The following ASIC2 variants were observed in gnomAD, a reference collection of about 807,000 sequenced individuals.
ASIC2 encodes acid-sensing ion channel 2.
ASIC2 carries 25 observed loss-of-function variants against 57.3 expected under a neutral mutation model. The ratio of observed to expected loss-of-function variants is 0.44; its 90% CI spans 0.32 to 0.61. ASIC2 has a LOEUF of 0.61. ASIC2 is among the 20% of genes least tolerant of loss of function. The probability of loss-of-function intolerance (pLI) is 0.06; values close to 1 mark genes in which losing one functional copy is unlikely to be tolerated. For missense variants in ASIC2, 641 were observed against 738.1 expected, an observed-to-expected ratio of 0.87 and a Z score of 1.52; for synonymous variants, 319 against 307.5, an observed-to-expected ratio of 1.04 and a Z score of -0.39.
At chr17:33,438,108 AT>A (rs924450214) in intron 1 of ASIC2, among the ~76,000 whole-genome samples, 2 of 152,262 alleles carry the variant, frequency 1.3e-5, no homozygotes, top group African/African-American at 2.4e-5. Flanking sequence ...TATATTTATG[AT>A]GGGGGCTCCA....
At chr17:33,106,228 G>C (rs147216276) in intron 2 of ASIC2, among the ~76,000 whole-genome samples, 66 of 152,280 alleles carry the variant, frequency 4.3e-4, no homozygotes, top group Non-Finnish European at 4.9e-4. Context: ...GGCAATAGGA[G>C]CTGAGGAAGC....
intron 1 of ASIC2, among the ~76,000 whole-genome samples, chr17:33,469,613 C>A (rs1912976450): frequency 6.6e-6 from 1 of 152,274 alleles, no homozygotes; most frequent in East Asian, 1.9e-4. Flanking sequence ...AGAGTCTCAG[C>A]TGTGGACTCG....
At chr17:33,862,173 G>A (rs899524787) in intron 1 of ASIC2, among the ~76,000 whole-genome samples, 7 of 152,134 alleles carry the variant, frequency 4.6e-5, no homozygotes, top group South Asian at 2.1e-4. Context: ...CAGCCTCTTC[G>A]GTAGCTGAGT....
intron 1 of ASIC2, among the ~76,000 whole-genome samples, chr17:33,558,490 A>G (rs1383971175): frequency 3.9e-5 from 6 of 152,198 alleles, no homozygotes; most frequent in Non-Finnish European, 8.8e-5. Flanking sequence ...CTCTAACTTC[A>G]TAGTACTAAA....
chr17:33,674,048 C>A (rs1907729046), intron 1 of ASIC2, among the ~76,000 whole-genome samples: 1 of 152,140 alleles, frequency 6.6e-6, no homozygotes, highest in Admixed American at 6.5e-5. Context: ...CACATGCCAC[C>A]AAGCCCAGCT....
At chr17:33,929,385 T>C (rs1915885582) in intron 1 of ASIC2, among the ~76,000 whole-genome samples, 1 of 152,236 alleles carries the variant, frequency 6.6e-6, no homozygotes, top group Non-Finnish European at 1.5e-5. Context: ...CTGCGGAGCC[T>C]GGGCTCATTT....
intron 1 of ASIC2, among the ~76,000 whole-genome samples, chr17:33,343,119 G>A (rs1907795241): frequency 6.6e-6 from 1 of 152,336 alleles, no homozygotes; most frequent in Admixed American, 6.5e-5. Flanking sequence ...GCAGGAGAGA[G>A]GCAAAGCAGA....
chr17:33,216,891 T>G (rs1287026573), intron 1 of ASIC2, among the ~76,000 whole-genome samples: 1 of 152,002 alleles, frequency 6.6e-6, no homozygotes, highest in African/African-American at 2.4e-5. Context: ...GGGGGTTGTT[T>G]GAATAATTGA....
At chr17:33,993,565 ACT>A (rs1465850317) in intron 1 of ASIC2, among the ~76,000 whole-genome samples, 4 of 152,138 alleles carry the variant, frequency 2.6e-5, no homozygotes, top group African/African-American at 9.7e-5. Flanking sequence ...GGAGAAACAG[ACT>A]CTGAGTTGAA....
At chr17:34,080,261 G>A (rs1909828680) in intron 1 of ASIC2, among the ~76,000 whole-genome samples, 1 of 152,192 alleles carries the variant, frequency 6.6e-6, no homozygotes, top group Non-Finnish European at 1.5e-5. Context: ...ACTCCAGGGA[G>A]CACCTTCATA....
At chr17:33,457,762 C>G in intron 1 of ASIC2, among the ~76,000 whole-genome samples, 1 of 152,136 alleles carries the variant, frequency 6.6e-6, no homozygotes, top group East Asian at 1.9e-4. Context: ...CATGCATTGT[C>G]TTATTTAATT....
intron 1 of ASIC2, among the ~76,000 whole-genome samples, chr17:34,102,945 T>G (rs1261416509): frequency 6.6e-6 from 1 of 152,230 alleles, no homozygotes; most frequent in Non-Finnish European, 1.5e-5. Context: ...CAACCATTGT[T>G]GTGAGCTGAT....
intron 1 of ASIC2, among the ~76,000 whole-genome samples, chr17:33,382,754 G>A (rs191586140): frequency 1.6e-3 from 243 of 152,314 alleles, no homozygotes; most frequent in African/African-American, 5.7e-3. Context: ...CAGGGACTGC[G>A]TCATCTTCAT....
At chr17:33,269,617 T>C (rs141023563) in intron 1 of ASIC2, among the ~76,000 whole-genome samples, 420 of 34,742 alleles carry the variant, frequency 0.012, 2 homozygotes, top group Non-Finnish European at 0.016. Context: ...CTCCTTCCCT[T>C]CCTTCCTTCC....
intron 3 of ASIC2, among the ~76,000 whole-genome samples, chr17:33,044,955 GA>G (rs1184939454): frequency 1.3e-5 from 2 of 152,136 alleles, no homozygotes; most frequent in Non-Finnish European, 2.9e-5. Flanking sequence ...TCAGGAGTGG[GA>G]AATGTGTTCT....
chr17:33,331,788 T>C (rs1440673995), intron 1 of ASIC2, among the ~76,000 whole-genome samples: 1 of 152,218 alleles, frequency 6.6e-6, no homozygotes, highest in East Asian at 1.9e-4. Flanking sequence ...ATCCCTATTC[T>C]ACGATGAGAA....
intron 1 of ASIC2, among the ~76,000 whole-genome samples, chr17:33,839,292 C>T (rs1419954629): frequency 6.6e-6 from 1 of 152,226 alleles, no homozygotes; most frequent in African/African-American, 2.4e-5. Flanking sequence ...ACTAGCACAA[C>T]AGGTGGGTAC....
intron 3 of ASIC2, among the ~76,000 whole-genome samples, chr17:33,042,638 G>T (rs1455687572): frequency 6.6e-6 from 1 of 152,220 alleles, no homozygotes; most frequent in Non-Finnish European, 1.5e-5. Context: ...GCCCAGAGAG[G>T]TTAAATGACT....
chr17:33,998,463 G>A (rs1189117018), intron 1 of ASIC2, among the ~76,000 whole-genome samples: 3 of 151,938 alleles, frequency 2.0e-5, no homozygotes, highest in African/African-American at 7.3e-5. Context: ...CAGTTAGCTT[G>A]TTTATTTAAA....
Sources: gnomAD v4.1 joint callset for allele counts (sites outside exome capture counted in the v4.1 genomes callset) on GRCh38, gnomAD v4.1.1 for gene constraint, MANE v1.5 for transcripts, NCBI Gene and HGNC (gene_info 2026-07-23, HGNC 2026-07-21) for gene names.